Variants in MAPKBP1 observed in about 807,000 individuals in gnomAD.
The protein encoded by MAPKBP1 is mitogen-activated protein kinase binding protein 1, also known as mitogen-activated protein kinase-binding protein 1.
Under a neutral mutation model 170.5 loss-of-function variants are expected in MAPKBP1, and 71 were observed. The observed-to-expected ratio is 0.42, with a 90% CI of 0.34 to 0.51. The LOEUF is 0.51. Ranked by LOEUF, MAPKBP1 falls within the 20% of genes least tolerant of loss-of-function variation. The pLI is 0.06. For synonymous variants in MAPKBP1, 719 were observed against 757.9 expected (o/e 0.95, Z 0.84); for missense variants, 1,598 against 1,933.0 (o/e 0.83, Z 3.25).
chr15:41,807,757 G>T (rs967353958), intron 3 of MAPKBP1, among the ~76,000 whole-genome samples: 1 of 152,170 alleles, frequency 6.6e-6, no homozygotes, highest in Non-Finnish European at 1.5e-5. Context: ...TCTAAATTTG[G>T]CTGGGCACAG....
chr15:41,809,825 GTTGC>G (rs1415435042), intron 3 of MAPKBP1, among the ~76,000 whole-genome samples: 8 of 152,244 alleles, frequency 5.3e-5, no homozygotes, highest in Non-Finnish European at 1.2e-4. Context: ...GACGGGAGAG[GTTGC>G]CCCCACCTTC....
At chr15:41,786,039 T>C (rs2064281249) in intron 2 of MAPKBP1, among the ~76,000 whole-genome samples, 1 of 152,204 alleles carries the variant, frequency 6.6e-6, no homozygotes, top group Admixed American at 6.5e-5. Context: ...TCCTTGTACC[T>C]GCCAGAAAGA....
chr15:41,801,294 T>A (rs2064589887), intron 3 of MAPKBP1, among the ~76,000 whole-genome samples: 1 of 152,174 alleles, frequency 6.6e-6, no homozygotes, highest in Non-Finnish European at 1.5e-5. Context: ...ACTCCTCTGC[T>A]CCTACAAGTG....
intron 2 of MAPKBP1, among the ~76,000 whole-genome samples, chr15:41,798,046 C>T (rs557129899): frequency 7.3e-4 from 111 of 151,646 alleles, no homozygotes; most frequent in African/African-American, 2.5e-3. Flanking sequence ...GTCAGGAGAT[C>T]GAGACCATCC....
chr15:41,815,533 G>T (rs1375650293), intron 11 of MAPKBP1, 91 bp from the exon 12 acceptor site: 1 of 1,552,942 alleles, frequency 6.4e-7, no homozygotes, highest in South Asian at 1.2e-5. Flanking sequence ...GTGCTCTGTG[G>T]TCCAAGGGTT....
chr15:41,779,543 C>T (rs1228749322), intron 2 of MAPKBP1, among the ~76,000 whole-genome samples: 6 of 152,040 alleles, frequency 3.9e-5, no homozygotes, highest in African/African-American at 1.2e-4. Flanking sequence ...CAGAGTCTTA[C>T]GATGTTGCTC....
At chr15:41,790,715 C>T (rs1384274212) in intron 2 of MAPKBP1, among the ~76,000 whole-genome samples, 2 of 152,176 alleles carry the variant, frequency 1.3e-5, no homozygotes, top group East Asian at 3.8e-4. Context: ...CTACATCAGC[C>T]AAACTGGGTA....
intron 21 of MAPKBP1, 43 bp from the exon 22 acceptor site, chr15:41,819,552 G>GA (rs1555454052): frequency 1.9e-5 from 29 of 1,508,796 alleles, no homozygotes; most frequent in Middle Eastern, 1.8e-4. Flanking sequence ...GGTGGCGGGG[G>GA]GGGGGCAGGA....
chr15:41,810,653 G>C, intron 3 of MAPKBP1: 1 of 507,930 alleles, frequency 2.0e-6, no homozygotes. Flanking sequence ...TGCAAGTTGA[G>C]GCTGCACTGA....
chr15:41,811,476 A>T, intron 5 of MAPKBP1: 1 of 692,854 alleles, frequency 1.4e-6, no homozygotes, highest in Non-Finnish European at 2.6e-6. Context: ...TAGGTCTGGG[A>T]TGGGAGTCTG....
rs1408257700 is a variant in MAPKBP1, at chr15:41,823,034, A to G, written c.3410A>G (p.Asn1137Ser). 3.1e-6 allele frequency: 5 copies of G among 1,613,852 alleles called. No homozygotes were observed. Among genetic ancestry groups the G allele is most frequent in the South Asian group, 2.2e-5 (2 of 91,072 alleles). ...SGEQPRGNGA[N>S]PPGAPPEVEP... ...GAGCAGCCGAGAGGCAATGGTGCCA[A>G]TCCCCCTGGAGCACCCCCGGAGGTG... The change falls in exon 28 of 31, where the codon AAT becomes AGT. Residue 1137 changes from asparagine to serine, a missense_variant. This residue lies in a region of MAPKBP1 where 942 missense variants were observed against 953.2 expected (regional missense o/e 0.99). Coordinates refer to ENST00000457542, the MANE Select transcript of MAPKBP1 (RefSeq NM_014994.3).
At chr15:41,776,293 A>G (rs2064097087) in intron 2 of MAPKBP1, among the ~76,000 whole-genome samples, 1 of 152,222 alleles carries the variant, frequency 6.6e-6, no homozygotes, top group African/African-American at 2.4e-5. Flanking sequence ...ACAGCATTGT[A>G]TTGCTTTGCC....
At chr15:41,802,799 A>G (rs562177728) in intron 3 of MAPKBP1, among the ~76,000 whole-genome samples, 3 of 152,286 alleles carry the variant, frequency 2.0e-5, no homozygotes, top group South Asian at 2.1e-4. Flanking sequence ...TTTATCTTCT[A>G]TAAGCTTTAA....
intron 24 of MAPKBP1, 61 bp downstream of exon 24, chr15:41,821,811 T>C: frequency 6.2e-7 from 1 of 1,600,456 alleles, no homozygotes. Flanking sequence ...TGAGTGTTCT[T>C]TAGTCGAGGG....
intron 3 of MAPKBP1, chr15:41,810,543 CAAA>C (rs11415317): frequency 0.025 from 3,757 of 152,196 alleles, 1 homozygote; most frequent in Middle Eastern, 0.067. Flanking sequence ...CCCGTGTCTA[CAAA>C]AAAAAAAAAA....
Position 41,822,840 on chromosome 15 carries a change from G to A in MAPKBP1, c.3315-99G>A, listed in dbSNP as rs1224186379. 1.3e-5 allele frequency: 19 copies of A among 1,500,608 alleles called. No homozygotes were observed. The African/African-American group carries it at 1.9e-4, about 15-fold the overall frequency. The allele number at this position is 1,500,608 out of a possible 1,614,324, so 93.0% of individuals were successfully genotyped here. A position where few individuals can be genotyped will look rare whatever the true frequency, so the allele number is the denominator to read the frequency against. ...CCCAGCCCTATCTGGCTTTGTGCTTGTTCTCTCCTAGTGCCCTGGTGCTAT... is the reference window on the plus strand; with the variant it reads ...CCCAGCCCTATCTGGCTTTGTGCTTATTCTCTCCTAGTGCCCTGGTGCTAT... On this transcript the variant is annotated intron_variant, in intron 27 of 30. Transcript: ENST00000457542.
In MAPKBP1 at chr15:41,818,456, G is replaced by A. The variant is rs2064930566; in HGVS notation, c.2093-63G>A. On this transcript the variant is annotated intron_variant, in intron 18 of 30. Transcript: ENST00000457542. This position sits in a 1 kb window ranked among gnomAD's most constrained non-coding sequence, Gnocchi z 5.2. ...AGCCAACCCCCGTGTCCACTGTTGG[G>A]ATGGAGAGGACTTGGTTGGGAATTT... 6.5e-7 allele frequency: 1 copy of A among 1,537,700 alleles called. No individual in the cohort carries two copies. The highest frequency in any genetic ancestry group is 1.2e-5 in the South Asian group (1 of 86,114).
intron 2 of MAPKBP1, among the ~76,000 whole-genome samples, chr15:41,777,548 A>G (rs1391931884): frequency 6.6e-6 from 1 of 152,160 alleles, no homozygotes; most frequent in African/African-American, 2.4e-5. Context: ...TATGAAAGAA[A>G]TACTTAGCTG....
chr15:41,774,504 G>C lies in MAPKBP1; in HGVS notation c.-216G>C. 4 of 398,516 alleles carry C rather than the reference G, an allele frequency of 1.0e-5. No individual in the cohort carries two copies. The highest frequency in any genetic ancestry group is 1.3e-5 in the Non-Finnish European group (3 of 225,974). The allele number at this position is 398,516 out of a possible 1,614,324, so 24.7% of individuals were successfully genotyped here. ...GTTTTGAGCCGATCGTGCCACCATA[G>C]CTCCTGCTGCTGCCTCTACCGCTGC... is the stretch of plus-strand genomic sequence containing the variant. On this transcript the variant is annotated 5_prime_UTR_variant, in exon 1 of 31. Transcript: ENST00000457542.
Sources: allele counts gnomAD v4.1 joint callset (sites outside exome capture counted in the v4.1 genomes callset), GRCh38; gene constraint gnomAD v4.1.1; regional missense constraint gnomAD v4.1.1; non-coding constraint Gnocchi (gnomAD v3.1); transcripts MANE v1.5; gene names NCBI Gene and HGNC (gene_info 2026-07-23, HGNC 2026-07-21).